Variants in CDC42SE2 observed in about 807,000 individuals in gnomAD.
CDC42SE2 encodes the protein CDC42 small effector 2.
A neutral mutation model predicts 11.5 loss-of-function variants in CDC42SE2; 3 were observed. The observed-to-expected ratio is 0.26, with a 90% CI of 0.12 to 0.67. The LOEUF (loss-of-function observed/expected upper bound fraction) is 0.67. Ranked by LOEUF, CDC42SE2 falls within the 30% of genes least tolerant of loss-of-function variation. The probability of loss-of-function intolerance (pLI) is 0.80; values close to 1 mark genes in which losing one functional copy is unlikely to be tolerated. For synonymous variants in CDC42SE2, 33 were observed against 34.8 expected, an observed-to-expected ratio of 0.95 and a Z score of 0.18; for missense variants, 82 against 106.8, an observed-to-expected ratio of 0.77 and a Z score of 1.02.
chr5:131,354,933 T>G (rs1278008603), intron 2 of CDC42SE2, among the ~76,000 whole-genome samples: 1 of 152,188 alleles, frequency 6.6e-6, no homozygotes, highest in East Asian at 1.9e-4. Flanking sequence ...TCCTCATGCT[T>G]CAGCTGCGCC....
chr5:131,374,268 A>G (rs1750088011), intron 3 of CDC42SE2, among the ~76,000 whole-genome samples: 1 of 152,174 alleles, frequency 6.6e-6, no homozygotes, highest in Non-Finnish European at 1.5e-5. Context: ...AGAACAATTA[A>G]TGATAGTTTC....
chr5:131,358,610 G>A (rs1366981182), intron 2 of CDC42SE2, among the ~76,000 whole-genome samples: 1 of 152,136 alleles, frequency 6.6e-6, no homozygotes, highest in Non-Finnish European at 1.5e-5. Flanking sequence ...TGACTAACAT[G>A]CGTTCTAGTA....
chr5:131,225,136 G>A, the CDC42SE2 span, among the ~76,000 whole-genome samples: 1 of 152,112 alleles, frequency 6.6e-6, no homozygotes, highest in African/African-American at 2.4e-5. Context: ...CAGAGCCAGG[G>A]GAAGCCCAGA....
chr5:131,242,649 T>G (rs1756548827), upstream of CDC42SE2, among the ~76,000 whole-genome samples: 1 of 152,212 alleles, frequency 6.6e-6, no homozygotes, highest in African/African-American at 2.4e-5. Context: ...CGACAGGAGC[T>G]ACTTAATATG....
At chr5:131,317,055 A>G (rs1426346806) in intron 2 of CDC42SE2, among the ~76,000 whole-genome samples, 1 of 152,212 alleles carries the variant, frequency 6.6e-6, no homozygotes, top group Non-Finnish European at 1.5e-5. Flanking sequence ...GCTTAACTGA[A>G]TTACTTGATA....
At chr5:131,371,382 A>C (rs1750008506) in intron 3 of CDC42SE2, among the ~76,000 whole-genome samples, 1 of 152,170 alleles carries the variant, frequency 6.6e-6, no homozygotes, top group Non-Finnish European at 1.5e-5. Flanking sequence ...CTTTGCACAT[A>C]GTAAAAATTC....
At chr5:131,267,055 ATT>A (rs71000983) in intron 1 of CDC42SE2, among the ~76,000 whole-genome samples, 367 of 113,672 alleles carry the variant, frequency 3.2e-3, no homozygotes, top group African/African-American at 4.7e-3. Context: ...AGAACTCATA[ATT>A]TTTTTTTTTT....
chr5:131,349,412 C>T (rs1482537162), intron 2 of CDC42SE2, among the ~76,000 whole-genome samples: 1 of 152,112 alleles, frequency 6.6e-6, no homozygotes, highest in Non-Finnish European at 1.5e-5. Context: ...ACGAGTGCAG[C>T]ACACCAACAT....
chr5:131,284,155 A>G (rs1200442536), intron 1 of CDC42SE2, among the ~76,000 whole-genome samples: 1 of 152,170 alleles, frequency 6.6e-6, no homozygotes, highest in African/African-American at 2.4e-5. Context: ...AGGTTTATCC[A>G]TGTTGTGGTA....
chr5:131,325,490 T>G (rs1373776508), intron 2 of CDC42SE2, among the ~76,000 whole-genome samples: 1 of 152,002 alleles, frequency 6.6e-6, no homozygotes, highest in South Asian at 2.1e-4. Context: ...AGTGGTTTTT[T>G]TTTTTTTTGA....
At chr5:131,282,243 G>A (rs1229764835) in intron 1 of CDC42SE2, among the ~76,000 whole-genome samples, 12 of 152,142 alleles carry the variant, frequency 7.9e-5, no homozygotes, top group African/African-American at 2.4e-5. Context: ...CTGAGAAATC[G>A]AAACATTTGT....
intron 2 of CDC42SE2, among the ~76,000 whole-genome samples, chr5:131,337,914 TC>T (rs1040739924): frequency 3.9e-5 from 6 of 152,218 alleles, no homozygotes; most frequent in Non-Finnish European, 7.3e-5. Flanking sequence ...CCCTTGCACT[TC>T]CGGGGTGAGG....
At chr5:131,237,469 C>A in the CDC42SE2 span, among the ~76,000 whole-genome samples, 1 of 152,146 alleles carries the variant, frequency 6.6e-6, no homozygotes, top group Non-Finnish European at 1.5e-5. Flanking sequence ...TATTTTGCAA[C>A]GTCCATATTT....
chr5:131,218,989 G>GA, the CDC42SE2 span, among the ~76,000 whole-genome samples: 2 of 152,010 alleles, frequency 1.3e-5, no homozygotes, highest in Non-Finnish European at 2.9e-5. Flanking sequence ...GGATAAATTT[G>GA]AAAAAAGACA....
At chr5:131,258,118 G>A (rs978559203) in intron 2 of CDC42SE2, among the ~76,000 whole-genome samples, 6 of 152,080 alleles carry the variant, frequency 3.9e-5, no homozygotes, top group South Asian at 2.1e-4. Context: ...AAGATCCATT[G>A]TGGTTCTTGC....
intron 3 of CDC42SE2, among the ~76,000 whole-genome samples, chr5:131,368,252 CAAAAA>C (rs543328653): frequency 1.5e-5 from 1 of 65,432 alleles, no homozygotes; most frequent in African/African-American, 4.1e-5. Context: ...GACTCCATCT[CAAAAA>C]AAAAAAAAAA....
At chr5:131,324,383 T>C (rs1758255713) in intron 2 of CDC42SE2, among the ~76,000 whole-genome samples, 1 of 152,138 alleles carries the variant, frequency 6.6e-6, no homozygotes, top group Non-Finnish European at 1.5e-5. Context: ...AGTAGTGGTA[T>C]GGCTTGGGAA....
chr5:131,344,722 C>T (rs1758798120), intron 2 of CDC42SE2, among the ~76,000 whole-genome samples: 1 of 152,216 alleles, frequency 6.6e-6, no homozygotes, highest in Non-Finnish European at 1.5e-5. Context: ...CCCTGACCCC[C>T]GAGTAGCCTA....
At chr5:131,265,133 C>T (rs1342184183) in intron 1 of CDC42SE2, among the ~76,000 whole-genome samples, 1 of 152,030 alleles carries the variant, frequency 6.6e-6, no homozygotes, top group African/African-American at 2.4e-5. Context: ...TTTTGATATA[C>T]GTTTTTTAGT....
Sources: gnomAD v4.1 joint callset for allele counts (sites outside exome capture counted in the v4.1 genomes callset) on GRCh38, gnomAD v4.1.1 for gene constraint, MANE v1.5 for transcripts, NCBI Gene and HGNC (gene_info 2026-07-23, HGNC 2026-07-21) for gene names.